Variants in GLIS3 observed in about 807,000 individuals in gnomAD.
GLIS3 encodes GLIS family zinc finger 3, also known as zinc finger protein GLIS3.
Under a neutral mutation model 78.6 loss-of-function variants are expected in GLIS3, and 53 were observed. The ratio of observed to expected loss-of-function variants is 0.67; its 90% confidence interval spans 0.54 to 0.85. The LOEUF is 0.85. Ranked by LOEUF, GLIS3 falls within the 40% of genes least tolerant of loss-of-function variation. The pLI is 0.00. For missense variants in GLIS3, 1,703 were observed against 1,231.1 expected (o/e 1.38, Z -5.74); for synonymous variants, 684 against 509.9 (o/e 1.34, Z -4.60).
At chr9:4,332,679 T>C (rs1184453334) in intron 2 of GLIS3, among the ~76,000 whole-genome samples, 2 of 152,194 alleles carry the variant, frequency 1.3e-5, no homozygotes, top group Admixed American at 6.5e-5. Flanking sequence ...TTAGATGACA[T>C]AGAAAGTTCT....
intron 2 of GLIS3, among the ~76,000 whole-genome samples, chr9:4,271,563 A>T (rs1826510334): frequency 6.6e-6 from 1 of 152,210 alleles, no homozygotes; most frequent in Non-Finnish European, 1.5e-5. Context: ...AAAAAGCAGC[A>T]TAAGCAAGTG....
intron 4 of GLIS3, among the ~76,000 whole-genome samples, chr9:4,112,633 T>C (rs940337022): frequency 1.3e-5 from 2 of 152,190 alleles, no homozygotes; most frequent in Non-Finnish European, 2.9e-5. Context: ...GTTCTAAGTA[T>C]GGAACAGCTA....
intron 2 of GLIS3, among the ~76,000 whole-genome samples, chr9:4,248,865 G>A (rs1050566487): frequency 5.3e-5 from 8 of 152,002 alleles, no homozygotes; most frequent in African/African-American, 1.7e-4. Flanking sequence ...TTTCATGTTT[G>A]TTGGCCACAT....
At chr9:3,934,533 C>T (rs1825789266) in intron 5 of GLIS3, among the ~76,000 whole-genome samples, 1 of 152,036 alleles carries the variant, frequency 6.6e-6, no homozygotes, top group Non-Finnish European at 1.5e-5. Flanking sequence ...CCTCAGCCTC[C>T]CGGGTAGCTG....
At chr9:4,141,803 T>A (rs1833838108) in intron 2 of GLIS3, among the ~76,000 whole-genome samples, 1 of 152,210 alleles carries the variant, frequency 6.6e-6, no homozygotes, top group Non-Finnish European at 1.5e-5. Flanking sequence ...AATACCAAAA[T>A]ATAAAAATAC....
At chr9:4,077,105 T>C (rs1052056204) in intron 4 of GLIS3, among the ~76,000 whole-genome samples, 19 of 152,218 alleles carry the variant, frequency 1.2e-4, no homozygotes, top group Non-Finnish European at 2.6e-4. Context: ...TTATTTGTCA[T>C]TGATATCTGC....
In GLIS3 at chr9:3,925,750, C is replaced by A. The variant is rs554914155; in HGVS notation, c.1983+6610G>T. 4.6e-5 allele frequency among the ~76,000 whole-genome samples: 7 copies of A among 152,254 alleles called. No individual in the cohort carries two copies. The South Asian group carries it at 1.2e-3, about 27-fold the overall frequency. Reference sequence around the variant, plus strand: ...TTTGTATTTGCTTTTAATTATCTTTCTTAAAAGTACATAAGCTCACATTCA... The same window carrying A: ...TTTGTATTTGCTTTTAATTATCTTTATTAAAAGTACATAAGCTCACATTCA... On this transcript the variant is annotated intron_variant, in intron 6 of 10. Coordinates refer to ENST00000381971, the MANE Select transcript of GLIS3 (RefSeq NM_001042413.2).
chr9:3,912,373 T>G (rs1348929453), intron 6 of GLIS3, among the ~76,000 whole-genome samples: 1 of 152,144 alleles, frequency 6.6e-6, no homozygotes, highest in Non-Finnish European at 1.5e-5. Flanking sequence ...CTCAGGAGAA[T>G]GTAGCCAGTG....
At chr9:4,296,370 T>A (rs899112074) in intron 1 of GLIS3, among the ~76,000 whole-genome samples, 1 of 151,630 alleles carries the variant, frequency 6.6e-6, no homozygotes, top group Non-Finnish European at 1.5e-5. Context: ...CCTGCATAAA[T>A]GAAGGCAGGG....
intron 7 of GLIS3, 131 bp from the exon 8 acceptor site, chr9:3,879,726 T>C (rs1821603242): frequency 4.3e-6 from 4 of 924,998 alleles, no homozygotes; most frequent in East Asian, 5.3e-5. Context: ...CAGGGAACAG[T>C]TCTCCCCTTC....
intron 4 of GLIS3, among the ~76,000 whole-genome samples, chr9:4,105,164 G>C (rs1037529973): frequency 6.6e-6 from 1 of 151,988 alleles, no homozygotes; most frequent in Non-Finnish European, 1.5e-5. Context: ...ATACCTATCT[G>C]AGTGAAAATG....
chr9:3,973,716 A>G (rs1416340579), intron 4 of GLIS3, among the ~76,000 whole-genome samples: 2 of 152,204 alleles, frequency 1.3e-5, no homozygotes, highest in South Asian at 2.1e-4. Flanking sequence ...AATATCTCTA[A>G]TAACATAAAA....
At chr9:4,216,543 T>A (rs1032165682) in intron 2 of GLIS3, among the ~76,000 whole-genome samples, 2 of 148,424 alleles carry the variant, frequency 1.3e-5, no homozygotes, top group African/African-American at 5.0e-5. Context: ...GTGGGTTGAA[T>A]TGGAAAATTC....
At chr9:4,160,487 T>C (rs1010601960) in intron 2 of GLIS3, among the ~76,000 whole-genome samples, 1 of 152,220 alleles carries the variant, frequency 6.6e-6, no homozygotes, top group South Asian at 2.1e-4. Context: ...TTGAACCACA[T>C]ATTAAAAACA....
intron 2 of GLIS3, among the ~76,000 whole-genome samples, chr9:4,335,922 A>G (rs1217663026): frequency 6.6e-6 from 1 of 152,164 alleles, no homozygotes; most frequent in Non-Finnish European, 1.5e-5. Context: ...ATGACAACCT[A>G]AGGTAAAAAT....
intron 4 of GLIS3, among the ~76,000 whole-genome samples, chr9:3,953,795 C>CTCTCTCTATATATATATATA (rs1403671770): frequency 1.6e-4 from 12 of 73,324 alleles, no homozygotes; most frequent in African/African-American, 6.8e-4. Context: ...CTCTCTCTCT[C>CTCTCTCTATATATATATATA]TATATATATA....
rs188467667 is a variant in GLIS3, at chr9:3,942,827, A to C, written c.1711-5638T>G. ...GAGCAGCAACATTCTAGGGATCATT[A>C]GGTCACCTTAATCTTGAAAAGATAC... On this transcript the variant is annotated intron_variant, in intron 4 of 10. Coordinates refer to ENST00000381971, the MANE Select transcript of GLIS3 (RefSeq NM_001042413.2). Among the ~76,000 whole-genome samples the C allele has an allele frequency of 7.2e-5, 11 of 152,332 alleles. No homozygotes were observed. In the East Asian group the frequency reaches 2.1e-3, roughly 29 times the overall value.
chr9:4,371,840 A>G, the GLIS3 span, among the ~76,000 whole-genome samples: 2 of 152,222 alleles, frequency 1.3e-5, no homozygotes, highest in Admixed American at 1.3e-4. Flanking sequence ...TTTTGCTTCA[A>G]AGATAGAGGC....
At chr9:4,016,869 G>A (rs1280022809) in intron 4 of GLIS3, among the ~76,000 whole-genome samples, 1 of 152,264 alleles carries the variant, frequency 6.6e-6, no homozygotes, top group African/African-American at 2.4e-5. Context: ...GATAACTAAA[G>A]TGAACACAAA....
Sources: allele counts gnomAD v4.1 joint callset (sites outside exome capture counted in the v4.1 genomes callset), GRCh38; gene constraint gnomAD v4.1.1; transcripts MANE v1.5; gene names NCBI Gene and HGNC (gene_info 2026-07-23, HGNC 2026-07-21).